ZNF90: variants seen among roughly 807,000 people sequenced by gnomAD.
ZNF90 encodes the protein zinc finger protein HTF9.
Under a neutral mutation model 12.0 loss-of-function variants are expected in ZNF90, and 11 were observed. The ratio of observed to expected loss-of-function variants is 0.92; its 90% CI spans 0.58 to 1.52. The LOEUF (loss-of-function observed/expected upper bound fraction) is 1.52, where lower values mean the gene tolerates loss of function less well. ZNF90 is among the 40% of genes most tolerant of loss of function. The pLI is 0.00. For missense variants in ZNF90, 765 were observed against 711.5 expected (o/e 1.08, Z -0.86); for synonymous variants, 232 against 240.1 (o/e 0.97, Z 0.31).
At chr19:20,114,370 A>G (rs1555705447) in intron 3 of ZNF90, among the ~76,000 whole-genome samples, 1 of 152,178 alleles carries the variant, frequency 6.6e-6, no homozygotes, top group Non-Finnish European at 1.5e-5. Flanking sequence ...TATCTTGCAA[A>G]GCTAAATCTC....
In ZNF90 at chr19:20,117,985, T is replaced by C. The variant is rs782517003; in HGVS notation, c.431T>C (p.Val144Ala). The C allele has an allele frequency of 1.2e-6, 2 of 1,613,376 alleles. No homozygotes were observed. The highest frequency in any genetic ancestry group is 1.7e-6 in the Non-Finnish European group (2 of 1,179,670). The change falls in exon 4 of 4, where the codon GTA becomes GCA. Residue 144 changes from valine (V) to alanine (A), a missense_variant. Coordinates refer to ENST00000418063, the MANE Select transcript of ZNF90 (RefSeq NM_007138.2). ...TGTTTGACAGCTACCCAGAGCAAAG[T>C]ATTTCAATGTGATACATATGTGAAA... ...NQCLTATQSK[V>A]FQCDTYVKVS...
intron 1 of ZNF90, chr19:20,079,909 C>G: frequency 2.4e-6 from 1 of 419,016 alleles, no homozygotes; most frequent in South Asian, 1.8e-5. Flanking sequence ...CTGATTTTGG[C>G]ATTCTTTTTC....
At chr19:20,079,937 C>CT (rs113327735) in intron 1 of ZNF90, 27,541 of 320,198 alleles carry the variant, frequency 0.086, 112 homozygotes, top group South Asian at 0.13. Context: ...CGTATTTCCT[C>CT]TTTTTTTTTT....
intron 2 of ZNF90, 43 bp downstream of exon 2, chr19:20,104,408 G>A: frequency 6.5e-7 from 1 of 1,543,772 alleles, no homozygotes; most frequent in Admixed American, 2.1e-5. Context: ...TACCCTAAAG[G>A]TTGTTTTTAT....
chr19:20,112,081 G>C lies in ZNF90; in HGVS notation c.227-5700G>C, dbSNP rs1199517306. 2.0e-5 allele frequency among the ~76,000 whole-genome samples: 3 copies of C among 151,852 alleles called. No homozygotes were observed. In the East Asian group the frequency reaches 5.8e-4, roughly 29 times the overall value. On this transcript the variant is annotated intron_variant, in intron 3 of 3. Transcript: ENST00000418063. ...ACAATGTTGGCCAGGCTGGTCGCAA[G>C]CTTCTGACCTTGTGATTCACCCGCC...
At chr19:20,116,329 C>A (rs2089137150) in intron 3 of ZNF90, among the ~76,000 whole-genome samples, 2 of 151,852 alleles carry the variant, frequency 1.3e-5, no homozygotes, top group Non-Finnish European at 2.9e-5. Flanking sequence ...GCCACCATGC[C>A]CAGTTAATTT....
chr19:20,092,652 G>A (rs572180630), intron 1 of ZNF90, among the ~76,000 whole-genome samples: 1 of 152,326 alleles, frequency 6.6e-6, no homozygotes, highest in East Asian at 1.9e-4. Context: ...ACCATGCCGA[G>A]GAAGGAAAGG....
chr19:20,116,025 C>T (rs1210249143), intron 3 of ZNF90, among the ~76,000 whole-genome samples: 7 of 152,120 alleles, frequency 4.6e-5, no homozygotes, highest in Non-Finnish European at 1.0e-4. Flanking sequence ...GTGCTTTCCA[C>T]TATGACTGGC....
rs781834179 is a variant in ZNF90, at chr19:20,117,901, G to T, written c.347G>T (p.Gly116Val). 15 of 1,612,190 alleles carry T rather than the reference G, an allele frequency of 9.3e-6. No homozygotes were observed. The highest frequency in any genetic ancestry group is 2.7e-5 in the African/African-American group (2 of 74,846). Residue 116 changes from glycine to valine, a missense_variant, in exon 4 of 4, where the codon GGT becomes GTT. Gly to Val is a moderately radical substitution (Grantham distance 109). Coordinates refer to ENST00000418063, the MANE Select transcript of ZNF90 (RefSeq NM_007138.2). ...TATGGCAATTTAGAGTTAAAAAAAG[G>T]TTGTGAAAGTGTGGATGAGGGTAAA... ...REYGNLELKK[G>V]CESVDEGKVH...
chr19:20,081,531 C>T (rs1214534859), intron 1 of ZNF90, among the ~76,000 whole-genome samples: 1 of 152,168 alleles, frequency 6.6e-6, no homozygotes, highest in East Asian at 1.9e-4. Flanking sequence ...CCACAAGTGT[C>T]TACAAGTCTC....
At chr19:20,117,729 T>C in intron 3 of ZNF90, 52 bp from the exon 4 acceptor site, 1 of 1,447,774 alleles carries the variant, frequency 6.9e-7, no homozygotes. Context: ...ATGTAACCTG[T>C]ATTTATCAGA....
chr19:20,119,211 A>G lies in ZNF90; in HGVS notation c.1657A>G (p.Thr553Ala). ...GKAFKRSSQL[T>A]SHKISHTGEK... ...AGCCTTTAAGCGCTCCTCACAGCTT[A>G]CTAGTCATAAGATAAGTCATACTGG... Residue 553 changes from threonine (T) to alanine (A), a missense_variant, in exon 4 of 4, where the codon ACT becomes GCT. Thr to Ala is a moderately conservative substitution (Grantham distance 58, BLOSUM62 0). Transcript: ENST00000418063. 1.9e-6 allele frequency: 3 copies of G among 1,613,812 alleles called. No homozygotes were observed. The highest frequency in any genetic ancestry group is 2.5e-6 in the Non-Finnish European group (3 of 1,179,902).
chr19:20,109,419 A>C (rs1654270), intron 3 of ZNF90, among the ~76,000 whole-genome samples: 41,937 of 152,032 alleles, frequency 0.28, 6,344 homozygotes, highest in East Asian at 0.48. Context: ...TGTGTTTAAT[A>C]ATTAATATAT....
At chr19:20,100,868 T>A (rs1599647110) in intron 1 of ZNF90, among the ~76,000 whole-genome samples, 1 of 151,606 alleles carries the variant, frequency 6.6e-6, no homozygotes. Flanking sequence ...AAACAAGAGG[T>A]AAAGAAATAA....
chr19:20,112,259 T>A (rs2122519978), intron 3 of ZNF90, among the ~76,000 whole-genome samples: 1 of 148,012 alleles, frequency 6.8e-6, no homozygotes, highest in East Asian at 2.0e-4. Context: ...TGAGACTGAG[T>A]CTTACTCTTG....
intron 1 of ZNF90, among the ~76,000 whole-genome samples, chr19:20,096,594 C>T (rs536458614): frequency 2.0e-5 from 3 of 152,092 alleles, no homozygotes; most frequent in Non-Finnish European, 4.4e-5. Context: ...AAAGGACTTT[C>T]ACAAGGTAAT....
chr19:20,106,347 A>G (rs1263785949), intron 3 of ZNF90, among the ~76,000 whole-genome samples: 1 of 152,020 alleles, frequency 6.6e-6, no homozygotes, highest in Non-Finnish European at 1.5e-5. Context: ...TATTTATTTC[A>G]CTAATTCTTC....
chr19:20,105,197 T>G, intron 2 of ZNF90, 24 bp from the exon 3 acceptor site: 2 of 1,556,542 alleles, frequency 1.3e-6, no homozygotes, highest in South Asian at 2.3e-5. Context: ...GGAAGATTCA[T>G]GTTATTTATT....
intron 1 of ZNF90, among the ~76,000 whole-genome samples, chr19:20,085,808 C>G (rs1438864592): frequency 6.6e-6 from 1 of 151,932 alleles, no homozygotes; most frequent in African/African-American, 2.4e-5. Context: ...CTAAATAAAC[C>G]TTTTGTCATT....
Sources: allele counts gnomAD v4.1 joint callset (sites outside exome capture counted in the v4.1 genomes callset), GRCh38; gene constraint gnomAD v4.1.1; transcripts MANE v1.5; gene names NCBI Gene and HGNC (gene_info 2026-07-23, HGNC 2026-07-21).